GRIN2A: variants seen among roughly 807,000 people sequenced by gnomAD.
GRIN2A encodes glutamate receptor ionotropic, NMDA 2A.
A neutral mutation model predicts 113.4 loss-of-function variants in GRIN2A; 22 were observed. The ratio of observed to expected loss-of-function variants is 0.19; its 90% CI spans 0.14 to 0.28. The LOEUF (loss-of-function observed/expected upper bound fraction) is 0.28. GRIN2A is among the 10% of genes least tolerant of loss of function. GRIN2A has a pLI of 1.00. For synonymous variants in GRIN2A, 827 were observed against 738.4 expected (o/e 1.12, Z -1.94); for missense variants, 1,502 against 1,887.0 (o/e 0.80, Z 3.78).
intron 2 of GRIN2A, among the ~76,000 whole-genome samples, chr16:10,136,883 C>G (rs762455947): frequency 1.3e-5 from 2 of 152,120 alleles, no homozygotes; most frequent in African/African-American, 2.4e-5. Context: ...CCAGGAAACA[C>G]TGGTAAGAGG....
chr16:9,918,176 C>T (rs2044288240), intron 3 of GRIN2A, among the ~76,000 whole-genome samples: 1 of 152,156 alleles, frequency 6.6e-6, no homozygotes. Flanking sequence ...TATTTAGTTG[C>T]TTGCTCAAAG....
chr16:9,867,158 A>C (rs889808199), intron 4 of GRIN2A, among the ~76,000 whole-genome samples: 2 of 152,014 alleles, frequency 1.3e-5, no homozygotes, highest in African/African-American at 4.8e-5. Context: ...ACCCTCCCCA[A>C]CTCTGAGTCA....
intron 2 of GRIN2A, among the ~76,000 whole-genome samples, chr16:10,068,555 A>C (rs1483193577): frequency 6.6e-6 from 1 of 152,216 alleles, no homozygotes; most frequent in Non-Finnish European, 1.5e-5. Context: ...AGTGTGGCCC[A>C]AGCCATTCAC....
At chr16:9,934,709 G>C (rs1207310910) in intron 3 of GRIN2A, among the ~76,000 whole-genome samples, 1 of 131,128 alleles carries the variant, frequency 7.6e-6, no homozygotes, top group Non-Finnish European at 1.6e-5. Flanking sequence ...AAAAAAAGGA[G>C]ATATAATCCT....
At chr16:10,091,179 C>G (rs1050758404) in intron 2 of GRIN2A, among the ~76,000 whole-genome samples, 1 of 152,166 alleles carries the variant, frequency 6.6e-6, no homozygotes, top group Non-Finnish European at 1.5e-5. Flanking sequence ...TATGGCCCAG[C>G]AATTCCACTT....
intron 2 of GRIN2A, among the ~76,000 whole-genome samples, chr16:9,978,891 A>G (rs920186291): frequency 6.6e-6 from 1 of 152,198 alleles, no homozygotes; most frequent in African/African-American, 2.4e-5. Context: ...AGAGAAGCAG[A>G]TGGATGTGAC....
At chr16:10,052,431 C>T (rs898007125) in intron 2 of GRIN2A, among the ~76,000 whole-genome samples, 2 of 152,210 alleles carry the variant, frequency 1.3e-5, no homozygotes, top group Non-Finnish European at 2.9e-5. Flanking sequence ...AGTCCTTTTA[C>T]ATATCATGCA....
intron 4 of GRIN2A, among the ~76,000 whole-genome samples, chr16:9,876,733 T>C (rs2043375281): frequency 6.6e-6 from 1 of 152,036 alleles, no homozygotes; most frequent in Admixed American, 6.6e-5. Flanking sequence ...AGTGGGTGGG[T>C]TCAAGAGTGA....
intron 4 of GRIN2A, among the ~76,000 whole-genome samples, chr16:9,876,284 G>C (rs2043364152): frequency 6.6e-6 from 1 of 152,056 alleles, no homozygotes; most frequent in Admixed American, 6.5e-5. Flanking sequence ...CATTATCTCA[G>C]GTAGCAGAGC....
At chr16:10,153,194 C>T (rs990809906) in intron 2 of GRIN2A, among the ~76,000 whole-genome samples, 1 of 152,128 alleles carries the variant, frequency 6.6e-6, no homozygotes, top group Non-Finnish European at 1.5e-5. Flanking sequence ...GATGGCTATT[C>T]ATGTGTAGGG....
chr16:9,949,891 G>C lies in GRIN2A; in HGVS notation c.415-11340C>G, dbSNP rs150918293. ...GAGTTAGTAGCACAGTGATGGGTTA[G>C]AGAGGGCAGGGTATAAGTGAGAGCT... On this transcript the variant is annotated intron_variant, in intron 2 of 12. Transcript: ENST00000330684. Among the ~76,000 whole-genome samples, 467 of 152,280 alleles carry C rather than the reference G, an allele frequency of 3.1e-3. 4 individuals are homozygous for C. Among genetic ancestry groups the C allele is most frequent in the African/African-American group, 0.011 (443 of 41,554 alleles).
At chr16:10,142,771 G>A (rs2049353443) in intron 2 of GRIN2A, among the ~76,000 whole-genome samples, 1 of 152,098 alleles carries the variant, frequency 6.6e-6, no homozygotes, top group Non-Finnish European at 1.5e-5. Context: ...CTTCTCTCAA[G>A]TCCCTGTCTC....
rs192605725 is a variant in GRIN2A at position 10,101,779 on chromosome 16, C to T, written c.414+78219G>A. ...GAGGGAGACAAGAGAAAAAGCATCC[C>T]TCACACAACCTTCAGATCTTCCGCT... is the stretch of plus-strand genomic sequence containing the variant. On this transcript the variant is annotated intron_variant, in intron 2 of 12. Transcript: ENST00000330684. Among the ~76,000 whole-genome samples the T allele has an allele frequency of 3.2e-3, 489 of 152,314 alleles. 4 individuals are homozygous for T. Among genetic ancestry groups the T allele is most frequent in the Non-Finnish European group, 4.8e-3 (325 of 68,038 alleles).
At chr16:10,056,313 C>T (rs9937970) in intron 2 of GRIN2A, among the ~76,000 whole-genome samples, 21,218 of 152,052 alleles carry the variant, frequency 0.14, 2,073 homozygotes, top group African/African-American at 0.27. Flanking sequence ...TCCATTCAAC[C>T]CTACATCTTT....
intron 2 of GRIN2A, chr16:10,111,816 T>C: frequency 7.7e-7 from 1 of 1,302,320 alleles, no homozygotes; most frequent in Non-Finnish European, 1.1e-6. Context: ...TCCTCATCAC[T>C]GAGATGGGCA....
chr16:10,090,765 A>G (rs1263281435), intron 2 of GRIN2A, among the ~76,000 whole-genome samples: 2 of 152,198 alleles, frequency 1.3e-5, no homozygotes, highest in Non-Finnish European at 2.9e-5. Flanking sequence ...CCAGACTAGG[A>G]GAAAACATTT....
intron 2 of GRIN2A, among the ~76,000 whole-genome samples, chr16:9,953,050 A>G (rs2141678346): frequency 6.6e-6 from 1 of 152,280 alleles, no homozygotes; most frequent in Admixed American, 6.5e-5. Context: ...CTTGAGTATG[A>G]GGAAGGGCTT....
chr16:9,759,432 G>A lies in GRIN2A; in HGVS notation c.*3717C>T, dbSNP rs1900486282. 4.4e-6 allele frequency: 1 copy of A among 225,096 alleles called. No homozygotes were observed. The allele number at this position is 225,096 out of a possible 1,614,324, so 13.9% of individuals were successfully genotyped here. A position where few individuals can be genotyped will look rare whatever the true frequency, so the allele number is the denominator to read the frequency against. ...TAGAATAAACAATGTGTGACTATAT[G>A]ACAGCTGTGGATCTTTTGACTAATT... On this transcript the variant is annotated 3_prime_UTR_variant, in exon 13 of 13. Coordinates refer to ENST00000330684, the MANE Select transcript of GRIN2A (RefSeq NM_001134407.3).
chr16:10,059,009 T>C (rs750603208), intron 2 of GRIN2A, among the ~76,000 whole-genome samples: 3 of 152,204 alleles, frequency 2.0e-5, no homozygotes, highest in Admixed American at 6.5e-5. Context: ...GAACACATTA[T>C]GCAGCAGGAT....
Sources: gnomAD v4.1 joint callset for allele counts (sites outside exome capture counted in the v4.1 genomes callset) on GRCh38, gnomAD v4.1.1 for gene constraint, MANE v1.5 for transcripts, NCBI Gene and HGNC (gene_info 2026-07-23, HGNC 2026-07-21) for gene names.